Variants in PCDHGA6 observed in about 807,000 individuals in gnomAD.
PCDHGA6 encodes protocadherin gamma subfamily A, 6, also known as protocadherin gamma-A6.
A neutral mutation model predicts 60.6 loss-of-function variants in PCDHGA6; 41 were observed. That is an observed-to-expected ratio of 0.68 (90% CI 0.53 to 0.88). The LOEUF (loss-of-function observed/expected upper bound fraction) is 0.88. Ranked by LOEUF, PCDHGA6 falls within the 40% of genes least tolerant of loss-of-function variation. The probability of loss-of-function intolerance (pLI) is 0.00; values close to 1 mark genes in which losing one functional copy is unlikely to be tolerated. For missense variants in PCDHGA6, 1,312 were observed against 1,203.0 expected (o/e 1.09, Z -1.34); for synonymous variants, 594 against 524.4 (o/e 1.13, Z -1.81).
At chr5:141,381,975 G>A (rs1408994703) in intron 1 of PCDHGA6, among the ~76,000 whole-genome samples, 4 of 151,294 alleles carry the variant, frequency 2.6e-5, no homozygotes, top group South Asian at 2.1e-4. Flanking sequence ...GATTACAGGC[G>A]CGCGCCACCA....
At chr5:141,426,539 T>C in intron 1 of PCDHGA6, 2 of 347,388 alleles carry the variant, frequency 5.8e-6, no homozygotes, top group South Asian at 4.4e-5. Flanking sequence ...GGGAACATAC[T>C]TGTGAGTGAC....
rs769671283 is a variant in PCDHGA6, at chr5:141,511,391, C to A, written c.*218C>A. 1 of 1,079,748 alleles carries A rather than the reference C, an allele frequency of 9.3e-7. No homozygotes were observed. The allele number at this position is 1,079,748 out of a possible 1,614,324, so 66.9% of individuals were successfully genotyped here. On this transcript the variant is annotated 3_prime_UTR_variant, in exon 4 of 4. Transcript: ENST00000517434. ...TGCAAAAGCAGTTCCGCTGGGAACC[C>A]CCATCCAATCAACTGCTGTACCCAT...
At chr5:141,446,128 G>T (rs1242643475) in intron 1 of PCDHGA6, among the ~76,000 whole-genome samples, 1 of 152,188 alleles carries the variant, frequency 6.6e-6, no homozygotes, top group Admixed American at 6.5e-5. Context: ...GGTTCAATAA[G>T]ACTTAATAAT....
rs1317150359 is a variant in PCDHGA6 at position 141,420,381 on chromosome 5, G to A, written c.2424+43874G>A. On this transcript the variant is annotated intron_variant, in intron 1 of 3. Transcript: ENST00000517434. ...TCTAGATAACTTCTTCATAGAGTTC[G>A]CAAAATATAGGTCAAATTTATGGTT... The A allele has an allele frequency of 1.1e-5, 14 of 1,298,362 alleles. No homozygotes were observed. In the Admixed American group the frequency reaches 1.3e-4, roughly 13 times the overall value. The allele number at this position is 1,298,362 out of a possible 1,614,324, so 80.4% of individuals were successfully genotyped here.
intron 1 of PCDHGA6, chr5:141,389,998 T>G: frequency 6.2e-7 from 1 of 1,614,046 alleles, no homozygotes; most frequent in Non-Finnish European, 8.5e-7. Flanking sequence ...CTCGTGGCCA[T>G]GATTCTGGCC....
chr5:141,470,911 G>A (rs1208467445), intron 1 of PCDHGA6, among the ~76,000 whole-genome samples: 1 of 151,916 alleles, frequency 6.6e-6, no homozygotes, highest in Non-Finnish European at 1.5e-5. Context: ...AGATGGGACT[G>A]TCCCTATGTT....
intron 1 of PCDHGA6, among the ~76,000 whole-genome samples, chr5:141,458,513 G>GTT (rs537551567): frequency 7.5e-5 from 11 of 146,196 alleles, no homozygotes; most frequent in African/African-American, 2.2e-4. Flanking sequence ...TTGACACTTT[G>GTT]TTTTTTTTTT....
At chr5:141,438,248 C>A (rs1370527448) in intron 1 of PCDHGA6, among the ~76,000 whole-genome samples, 1 of 151,970 alleles carries the variant, frequency 6.6e-6, no homozygotes, top group Non-Finnish European at 1.5e-5. Flanking sequence ...AAAAAACTGT[C>A]ATTGAAGAGA....
At chr5:141,481,216 G>T (rs2099534005) in intron 1 of PCDHGA6, among the ~76,000 whole-genome samples, 3 of 152,110 alleles carry the variant, frequency 2.0e-5, no homozygotes, top group Admixed American at 6.5e-5. Flanking sequence ...ACATGGTAAG[G>T]TCTCCCAGCC....
chr5:141,408,372 G>A, intron 1 of PCDHGA6: 2 of 1,614,024 alleles, frequency 1.2e-6, no homozygotes, highest in African/African-American at 1.3e-5. Flanking sequence ...CTAGGGCTCA[G>A]TGTCCTGGAT....
chr5:141,494,925 G>T (rs936071950), intron 2 of PCDHGA6, 60 bp downstream of exon 2: 1 of 1,613,316 alleles, frequency 6.2e-7, no homozygotes. Flanking sequence ...GGGATGACGT[G>T]GGAGGAGATG....
rs1456451105 is a variant in PCDHGA6 at position 141,477,377 on chromosome 5, C to T, written c.2425-17430C>T. Reference sequence around the variant, plus strand: ...TGCAGACCTGGATCGGGAGACTGTGCCAGAATACAACCTCAGCATCACCGC... The same window carrying T: ...TGCAGACCTGGATCGGGAGACTGTGTCAGAATACAACCTCAGCATCACCGC... On this transcript the variant is annotated intron_variant, in intron 1 of 3. Coordinates refer to ENST00000517434, the MANE Select transcript of PCDHGA6 (RefSeq NM_018919.3). This position sits in a 1 kb window ranked among gnomAD's most constrained non-coding sequence, Gnocchi z 4.9. 1 of 1,614,144 alleles carries T rather than the reference C, an allele frequency of 6.2e-7. No homozygotes were observed. Among genetic ancestry groups the T allele is most frequent in the South Asian group, 1.1e-5 (1 of 91,080 alleles).
rs141095222 is a variant in PCDHGA6, at chr5:141,496,668, C to T, written c.2483+1803C>T. Reference sequence around the variant, plus strand: ...CCCTTCCTTTGACCCCAGCTGTTGTCCTTCTCCCTGCTGGCCTTGCCAACC... The same window carrying T: ...CCCTTCCTTTGACCCCAGCTGTTGTTCTTCTCCCTGCTGGCCTTGCCAACC... On this transcript the variant is annotated intron_variant, in intron 2 of 3. Coordinates refer to ENST00000517434, the MANE Select transcript of PCDHGA6 (RefSeq NM_018919.3). Among the ~76,000 whole-genome samples the T allele has an allele frequency of 1.3e-3, 204 of 152,328 alleles. 1 individual carries two copies. The highest frequency in any genetic ancestry group is 5.6e-3 in the Admixed American group (85 of 15,298).
At chr5:141,403,167 C>G (rs775617849) in intron 1 of PCDHGA6, 1 of 1,614,026 alleles carries the variant, frequency 6.2e-7, no homozygotes, top group Non-Finnish European at 8.5e-7. Flanking sequence ...AGAGGTAGGA[C>G]GCAGCTTTTC....
intron 1 of PCDHGA6, chr5:141,390,026 A>G (rs1442754847): frequency 1.2e-6 from 2 of 1,613,826 alleles, no homozygotes; most frequent in Admixed American, 1.7e-5. Flanking sequence ...TGCGCCTGCG[A>G]CGCTCCTCCA....
intron 1 of PCDHGA6, among the ~76,000 whole-genome samples, chr5:141,459,160 T>C (rs1330588092): frequency 6.6e-6 from 1 of 152,228 alleles, no homozygotes; most frequent in African/African-American, 2.4e-5. Context: ...AGAACATTTC[T>C]ATAACCTTCA....
At chr5:141,389,871 G>A (rs199638280) in intron 1 of PCDHGA6, 73 of 1,613,938 alleles carry the variant, frequency 4.5e-5, no homozygotes, top group Non-Finnish European at 5.8e-5. Flanking sequence ...CCTGGTCTTC[G>A]CCGACAGCTT....
In PCDHGA6 at chr5:141,375,829, A is replaced by G; in HGVS notation, c.1746A>G (p.Ala582=). The G allele has an allele frequency of 6.2e-7, 1 of 1,614,140 alleles. No individual in the cohort carries two copies. The highest frequency in any genetic ancestry group is 1.3e-5 in the African/African-American group (1 of 75,074). Residue 582 remains alanine (A), a synonymous_variant, in exon 1 of 4, where the codon GCA becomes GCG. Coordinates refer to ENST00000517434, the MANE Select transcript of PCDHGA6 (RefSeq NM_018919.3). ...STGVELAPRS[A]EPGYLVTKVV... ...GCGTGGAGCTGGCGCCCCGCTCCGCAGAGCCCGGCTACCTGGTGACCAAGG... is the reference window on the plus strand; with the variant it reads ...GCGTGGAGCTGGCGCCCCGCTCCGCGGAGCCCGGCTACCTGGTGACCAAGG...
chr5:141,465,021 C>A (rs974818222), intron 1 of PCDHGA6, among the ~76,000 whole-genome samples: 1 of 152,100 alleles, frequency 6.6e-6, no homozygotes, highest in Non-Finnish European at 1.5e-5. Flanking sequence ...AGATTACAGC[C>A]ATGAACCACC....
Sources: allele counts gnomAD v4.1 joint callset (sites outside exome capture counted in the v4.1 genomes callset), GRCh38; gene constraint gnomAD v4.1.1; non-coding constraint Gnocchi (gnomAD v3.1); transcripts MANE v1.5; gene names NCBI Gene and HGNC (gene_info 2026-07-23, HGNC 2026-07-21).